TFAP2C: variants seen among roughly 807,000 people sequenced by gnomAD.
The protein encoded by TFAP2C is transcription factor AP-2 gamma.
Under a neutral mutation model 42.9 loss-of-function variants are expected in TFAP2C, and 9 were observed. That is an observed-to-expected ratio of 0.21 (90% CI 0.13 to 0.37). The LOEUF (loss-of-function observed/expected upper bound fraction) is 0.37, where lower values mean the gene tolerates loss of function less well. Ranked by LOEUF, TFAP2C falls within the 10% of genes least tolerant of loss-of-function variation. TFAP2C has a pLI of 1.00. For synonymous variants in TFAP2C, 264 were observed against 256.0 expected (o/e 1.03, Z -0.30); for missense variants, 462 against 591.7 (o/e 0.78, Z 2.27).
chr20:56,636,789 A>G (rs1203987741), intron 6 of TFAP2C, 35 bp downstream of exon 6: 1 of 1,601,474 alleles, frequency 6.2e-7, no homozygotes, highest in African/African-American at 1.3e-5. Flanking sequence ...TGATGACTCA[A>G]TGCTCTAGAC....
At position 56,636,644 on chromosome 20, in the gene TFAP2C, T is replaced by C; in HGVS notation, c.957T>C (p.Tyr319=). Residue 319 remains tyrosine (Y), a synonymous_variant, in exon 6 of 7, where the codon TAT becomes TAC. Coordinates refer to ENST00000201031, the MANE Select transcript of TFAP2C (RefSeq NM_003222.4). The part of the protein sequence containing the change: ...EAVHLARDFA[Y]VCEAEFPSKP... ...TTCATTTGGCTAGGGACTTTGCCTA[T>C]GTCTGTGAAGCCGAATTTCCTAGTA... 1 of 1,614,154 alleles carries C rather than the reference T, an allele frequency of 6.2e-7. No individual in the cohort carries two copies. The highest frequency in any genetic ancestry group is 8.5e-7 in the Non-Finnish European group (1 of 1,180,020).
At position 56,631,522 on chromosome 20, in the gene TFAP2C, C is replaced by A; in HGVS notation, c.366C>A (p.Ala122=). 1 of 1,507,786 alleles carries A rather than the reference C, an allele frequency of 6.6e-7. No individual in the cohort carries two copies. The highest frequency in any genetic ancestry group is 8.8e-7 in the Non-Finnish European group (1 of 1,136,796). The allele number at this position is 1,507,786 out of a possible 1,614,324, so 93.4% of individuals were successfully genotyped here. A position where few individuals can be genotyped will look rare whatever the true frequency, so the allele number is the denominator to read the frequency against. The stretch of plus-strand genomic sequence containing the variant: ...TGCCCTCGCACCACGGGCGCCCGGC[C>A]GGCCTACTGCCCCACCTCTCCGGGC... The part of the protein sequence containing the change: ...AGLPSHHGRP[A]GLLPHLSGLE... Residue 122 remains alanine (A), a synonymous_variant, in exon 2 of 7, where the codon GCC becomes GCA. Transcript: ENST00000201031. The surrounding 1 kb of genome is among the most constrained non-coding windows in gnomAD (Gnocchi z 6.1).
intron 5 of TFAP2C, 81 bp from the exon 6 acceptor site, chr20:56,636,529 A>G: frequency 7.2e-7 from 1 of 1,393,648 alleles, no homozygotes; most frequent in Non-Finnish European, 9.6e-7. Flanking sequence ...CCGTGTCAAA[A>G]AAAAAAAAAA....
rs1204114691 is a variant in TFAP2C, at chr20:56,637,949, CTGGAGACCAGAG to C, written c.1291_1302del (p.Gly431_Ser434del). The stretch of plus-strand genomic sequence containing the variant: ...GTCATAGACAAATCCTACATGAACC[CTGGAGACCAGAG>C]TCCAGCTGATTCTAACAAAACCCTG... On this transcript the variant is annotated inframe_deletion, in exon 7 of 7. Coordinates refer to ENST00000201031, the MANE Select transcript of TFAP2C (RefSeq NM_003222.4). 6.2e-7 allele frequency: 1 copy of C among 1,614,068 alleles called. No homozygotes were observed. The highest frequency in any genetic ancestry group is 8.5e-7 in the Non-Finnish European group (1 of 1,179,930).
chr20:56,631,284 C>T lies in TFAP2C; in HGVS notation c.128C>T (p.Ala43Val), dbSNP rs1987484759. The change falls in exon 2 of 7, where the codon GCG becomes GTG. Residue 43 changes from alanine (A) to valine (V), a missense_variant. Around this residue, in one of 5 missense-constraint regions of TFAP2C, gnomAD observed 271 missense variants for 269.7 expected, o/e 1.00. Coordinates refer to ENST00000201031, the MANE Select transcript of TFAP2C (RefSeq NM_003222.4). This position sits in a 1 kb window ranked among gnomAD's most constrained non-coding sequence, Gnocchi z 6.1. ...GCCGGGCAGCACCTCTACAGCCCCGCGCCACCCCTCTCCCACACTGGAGTC... is the reference window on the plus strand; with the variant it reads ...GCCGGGCAGCACCTCTACAGCCCCGTGCCACCCCTCTCCCACACTGGAGTC... ...SSAGQHLYSP[A>V]PPLSHTGVAE... The T allele has an allele frequency of 3.1e-6, 5 of 1,605,840 alleles. No homozygotes were observed. Among genetic ancestry groups the T allele is most frequent in the Non-Finnish European group, 3.4e-6 (4 of 1,176,964 alleles).
Position 56,630,906 on chromosome 20 carries a change from C to T in TFAP2C, c.49-299C>T, listed in dbSNP as rs1363721349. 1.0e-6 allele frequency: 1 copy of T among 985,432 alleles called. No individual in the cohort carries two copies. Among genetic ancestry groups the T allele is most frequent in the Non-Finnish European group, 1.2e-6 (1 of 829,928 alleles). The allele number at this position is 985,432 out of a possible 1,614,324, so 61.0% of individuals were successfully genotyped here. A position where few individuals can be genotyped will look rare whatever the true frequency, so the allele number is the denominator to read the frequency against. ...CTTTTCTGGCCCAAGACCCAGGGTT[C>T]GGACTTGGCGCCTCCAAGCGCCTCG... On this transcript the variant is annotated intron_variant, in intron 1 of 6. Transcript: ENST00000201031. This position sits in a 1 kb window ranked among gnomAD's most constrained non-coding sequence, Gnocchi z 5.1.
intron 5 of TFAP2C, among the ~76,000 whole-genome samples, chr20:56,634,555 G>A (rs1157194371): frequency 1.3e-5 from 2 of 152,336 alleles, no homozygotes; most frequent in African/African-American, 4.8e-5. Flanking sequence ...CTCTAGGGGT[G>A]TCGGCATTTC....
In TFAP2C at chr20:56,629,527, T is replaced by TG; in HGVS notation, c.-13dup. On this transcript the variant is annotated 5_prime_UTR_variant, in exon 1 of 7. Transcript: ENST00000201031. The surrounding 1 kb of genome is among the most constrained non-coding windows in gnomAD (Gnocchi z 5.9). Reference sequence around the variant, plus strand: ...TCCTGGATTTAACTGGCGACTGTTTTGGGGGACGCCGGACGCCATGTTGTG... The same window carrying TG: ...TCCTGGATTTAACTGGCGACTGTTTTGGGGGGACGCCGGACGCCATGTTGTG... The TG allele has an allele frequency of 7.0e-7, 1 of 1,418,472 alleles. No homozygotes were observed. The highest frequency in any genetic ancestry group is 1.9e-4 in the Middle Eastern group (1 of 5,256). The allele number at this position is 1,418,472 out of a possible 1,614,324, so 87.9% of individuals were successfully genotyped here.
chr20:56,629,621 GC>G lies in TFAP2C; in HGVS notation c.48+33del. ...AGCTGGGGCTCCGGGGTGCAGCCCC[GC>G]CCCGCCGAGGACAGTCCGGGAGGCA... is the stretch of plus-strand genomic sequence containing the variant. On this transcript the variant is annotated intron_variant, in intron 1 of 6. Coordinates refer to ENST00000201031, the MANE Select transcript of TFAP2C (RefSeq NM_003222.4). The surrounding 1 kb of genome is among the most constrained non-coding windows in gnomAD (Gnocchi z 5.9). 7.2e-7 allele frequency: 1 copy of G among 1,388,806 alleles called. No individual in the cohort carries two copies. Among genetic ancestry groups the G allele is most frequent in the Non-Finnish European group, 9.3e-7 (1 of 1,071,752 alleles). The allele number at this position is 1,388,806 out of a possible 1,614,324, so 86.0% of individuals were successfully genotyped here.
rs373593640 is a variant in TFAP2C at position 56,637,922 on chromosome 20, T to C, written c.1262T>C (p.Ile421Thr). The C allele has an allele frequency of 1.2e-6, 2 of 1,612,882 alleles. No homozygotes were observed. Among genetic ancestry groups the C allele is most frequent in the Admixed American group, 1.7e-5 (1 of 60,028 alleles). Residue 421 changes from isoleucine to threonine, a missense_variant, in exon 7 of 7, where the codon ATT (isoleucine) becomes ACT (threonine). Around this residue, in one of 5 missense-constraint regions of TFAP2C, gnomAD observed 130 missense variants for 160.8 expected, o/e 0.81. Coordinates refer to ENST00000201031, the MANE Select transcript of TFAP2C (RefSeq NM_003222.4). ...ALQNYIKEAL[I>T]VIDKSYMNPG... The stretch of plus-strand genomic sequence containing the variant: ...CAGAACTACATCAAAGAAGCCCTGA[T>C]TGTCATAGACAAATCCTACATGAAC...
chr20:56,637,891 G>T lies in TFAP2C; in HGVS notation c.1231G>T (p.Ala411Ser), dbSNP rs369684214. 9 of 1,606,010 alleles carry T rather than the reference G, an allele frequency of 5.6e-6. No individual in the cohort carries two copies. In the African/African-American group the frequency reaches 1.1e-4, roughly 19 times the overall value. The change falls in exon 7 of 7, where the codon GCC becomes TCC. Residue 411 changes from alanine to serine, a missense_variant. Ala to Ser is a moderately conservative substitution (Grantham distance 99). This residue lies in a region of TFAP2C where 130 missense variants were observed against 160.8 expected (regional missense o/e 0.81). Coordinates refer to ENST00000201031, the MANE Select transcript of TFAP2C (RefSeq NM_003222.4). ...CCAGGCCATCTGTGCCGCGGTGTCTGCCCTGCAGAACTACATCAAAGAAGC... is the reference window on the plus strand; with the variant it reads ...CCAGGCCATCTGTGCCGCGGTGTCTTCCCTGCAGAACTACATCAAAGAAGC... ...GSQAICAAVSALQNYIKEALI... is the reference protein window; with the variant it reads ...GSQAICAAVSSLQNYIKEALI...
intron 3 of TFAP2C, among the ~76,000 whole-genome samples, chr20:56,632,162 A>G (rs534028436): frequency 1.3e-5 from 2 of 152,204 alleles, no homozygotes; most frequent in Non-Finnish European, 2.9e-5. Context: ...CACTGATTTA[A>G]CTTGAAAAAC....
At position 56,638,745 on chromosome 20, in the gene TFAP2C, A is replaced by C. The variant is rs746311271; in HGVS notation, c.*732A>C. 1 of 150,998 alleles carries C rather than the reference A, an allele frequency of 6.6e-6. No individual in the cohort carries two copies. The highest frequency in any genetic ancestry group is 6.7e-5 in the Admixed American group (1 of 15,012). 9.4% of individuals were successfully genotyped at this position (150,998 alleles called of 1,614,324 possible). On this transcript the variant is annotated 3_prime_UTR_variant, in exon 7 of 7. Transcript: ENST00000201031. ...AATGACATGTTCCTTTAAGGTACTG[A>C]AGCTTTATTTGCATATTTATTTCAG...
At chr20:56,633,062 A>T (rs1987522173) in intron 3 of TFAP2C, among the ~76,000 whole-genome samples, 1 of 152,122 alleles carries the variant, frequency 6.6e-6, no homozygotes, top group Admixed American at 6.6e-5. Context: ...CATCTCTACT[A>T]AAAATACAAA....
chr20:56,637,160 G>A (rs1033374029), intron 6 of TFAP2C, among the ~76,000 whole-genome samples: 1 of 152,194 alleles, frequency 6.6e-6, no homozygotes, highest in Admixed American at 6.5e-5. Context: ...TGGATTTGTG[G>A]GCAAATTAAC....
chr20:56,638,092 C>T lies in TFAP2C; in HGVS notation c.*79C>T. On this transcript the variant is annotated 3_prime_UTR_variant, in exon 7 of 7. Coordinates refer to ENST00000201031, the MANE Select transcript of TFAP2C (RefSeq NM_003222.4). The stretch of plus-strand genomic sequence containing the variant: ...CCTTCTCCACCGCACAGACTGGGAA[C>T]CCCTCCTGGCCTGGGGGAAGAGTTT... 1 of 1,323,070 alleles carries T rather than the reference C, an allele frequency of 7.6e-7. No individual in the cohort carries two copies. Among genetic ancestry groups the T allele is most frequent in the South Asian group, 1.5e-5 (1 of 68,620 alleles). 82.0% of individuals were successfully genotyped at this position (1,323,070 alleles called of 1,614,324 possible).
chr20:56,634,159 G>T lies in TFAP2C; in HGVS notation c.813G>T (p.Ser271=). 6.2e-7 allele frequency: 1 copy of T among 1,611,848 alleles called. No homozygotes were observed. Among genetic ancestry groups the T allele is most frequent in the Non-Finnish European group, 8.5e-7 (1 of 1,179,324 alleles). Residue 271 remains serine (S), a synonymous_variant, in exon 5 of 7, where the codon TCG becomes TCT. Transcript: ENST00000201031. ...TTTTTCTTTTTCTTAGAGCCAAATC[G>T]AAAAATGGAGGCCGGTCCTTGCGGG... ...LLGGVLRRAK[S]KNGGRSLREK... is the part of the protein sequence containing the mutation.
chr20:56,633,654 T>C (rs1407633341), intron 4 of TFAP2C, 85 bp downstream of exon 4: 1 of 943,228 alleles, frequency 1.1e-6, no homozygotes, highest in Non-Finnish European at 1.7e-6. Flanking sequence ...TTAACATTTA[T>C]GTGACTTTAT....
intron 6 of TFAP2C, 145 bp from the exon 7 acceptor site, chr20:56,637,583 T>G (rs752311484): frequency 7.5e-6 from 5 of 666,698 alleles, no homozygotes; most frequent in Non-Finnish European, 1.3e-5. Flanking sequence ...AGCGCAGCAG[T>G]TGGCTATTAG....
Sources: allele counts gnomAD v4.1 joint callset (sites outside exome capture counted in the v4.1 genomes callset), GRCh38; gene constraint gnomAD v4.1.1; regional missense constraint gnomAD v4.1.1; non-coding constraint Gnocchi (gnomAD v3.1); transcripts MANE v1.5; gene names NCBI Gene and HGNC (gene_info 2026-07-23, HGNC 2026-07-21).